CD8B: variants seen among roughly 807,000 people sequenced by gnomAD.
CD8B encodes T-cell surface glycoprotein CD8 beta chain.
Under a neutral mutation model 24.2 loss-of-function variants are expected in CD8B, and 6 were observed. The ratio of observed to expected loss-of-function variants is 0.25; its 90% CI spans 0.14 to 0.49. The LOEUF (loss-of-function observed/expected upper bound fraction) is 0.49. Ranked by LOEUF, CD8B falls within the 20% of genes least tolerant of loss-of-function variation. CD8B has a pLI of 0.98. For synonymous variants in CD8B, 84 were observed against 108.3 expected (o/e 0.78, Z 1.39); for missense variants, 196 against 271.3 (o/e 0.72, Z 1.95).
downstream of CD8B, among the ~76,000 whole-genome samples, chr2:86,834,467 T>TACAC (rs59177290): frequency 0.027 from 3,978 of 146,794 alleles, 69 homozygotes; most frequent in East Asian, 0.12. Flanking sequence ...TTTCTTCTCT[T>TACAC]ACACACACAC....
intron 2 of CD8B, among the ~76,000 whole-genome samples, chr2:86,854,906 A>C (rs1025970276): frequency 3.5e-4 from 54 of 152,306 alleles, no homozygotes; most frequent in African/African-American, 1.3e-3. Flanking sequence ...AGATCACCTG[A>C]GGTCAGGAGT....
At chr2:86,825,986 G>C (rs533569188) in intron 5 of CD8B, among the ~76,000 whole-genome samples, 4 of 152,082 alleles carry the variant, frequency 2.6e-5, no homozygotes, top group Admixed American at 2.6e-4. Flanking sequence ...TGGAGCTCTC[G>C]GGGGGAAAAC....
chr2:86,828,276 TG>T (rs1479022289), intron 5 of CD8B, among the ~76,000 whole-genome samples: 1 of 151,858 alleles, frequency 6.6e-6, no homozygotes, highest in African/African-American at 2.4e-5. Context: ...AGATCAAATG[TG>T]GGCAAAATTT....
chr2:86,818,356 C>T (rs1674338543), intron 5 of CD8B, among the ~76,000 whole-genome samples: 1 of 151,978 alleles, frequency 6.6e-6, no homozygotes, highest in Non-Finnish European at 1.5e-5. Flanking sequence ...TTTTATTGTG[C>T]TGCACGGATG....
intron 4 of CD8B, 57 bp from the exon 5 acceptor site, chr2:86,845,015 C>A (rs1032709587): frequency 2.6e-5 from 40 of 1,552,244 alleles, no homozygotes; most frequent in Non-Finnish European, 3.5e-5. Flanking sequence ...CTGCGCTGAG[C>A]CCCAGAGGCC....
chr2:86,830,569 A>G (rs1416511072), intron 5 of CD8B, among the ~76,000 whole-genome samples: 1 of 150,034 alleles, frequency 6.7e-6, no homozygotes. Flanking sequence ...TCTGTCTCCA[A>G]AAAAAAAAAA....
chr2:86,835,264 C>A (rs1371528276), downstream of CD8B, among the ~76,000 whole-genome samples: 1 of 152,158 alleles, frequency 6.6e-6, no homozygotes, highest in African/African-American at 2.4e-5. Flanking sequence ...GGGCTTTGAG[C>A]AGGGCCCACA....
At chr2:86,828,020 T>C (rs1674759785) in intron 5 of CD8B, among the ~76,000 whole-genome samples, 1 of 152,228 alleles carries the variant, frequency 6.6e-6, no homozygotes, top group Admixed American at 6.5e-5. Context: ...AGTAAAGTCC[T>C]ATCCTTATAG....
intron 5 of CD8B, among the ~76,000 whole-genome samples, chr2:86,826,004 A>G (rs577124479): frequency 6.6e-6 from 1 of 152,278 alleles, no homozygotes; most frequent in East Asian, 1.9e-4. Context: ...AACATCCATG[A>G]CAGCCTCCCT....
chr2:86,835,097 G>T (rs555431403), downstream of CD8B, among the ~76,000 whole-genome samples: 51 of 152,274 alleles, frequency 3.3e-4, no homozygotes, highest in African/African-American at 1.1e-3. Flanking sequence ...TTTCTGTGCT[G>T]GGTGGGGCTG....
chr2:86,824,988 T>C (rs1442170531), intron 5 of CD8B, among the ~76,000 whole-genome samples: 1 of 152,220 alleles, frequency 6.6e-6, no homozygotes, highest in Non-Finnish European at 1.5e-5. Context: ...ATAATGATGA[T>C]GGCACAGATT....
chr2:86,848,716 A>ATTTAATTTATTTATTTATTTATTTG, intron 3 of CD8B, among the ~76,000 whole-genome samples: 1 of 99,540 alleles, frequency 1.0e-5, no homozygotes, highest in African/African-American at 4.8e-5. Flanking sequence ...TTATTTATTT[A>ATTTAATTTATTTATTTATTTATTTG]TTTATTTATT....
At chr2:86,847,969 C>T (rs1223211332) in intron 3 of CD8B, among the ~76,000 whole-genome samples, 1 of 152,136 alleles carries the variant, frequency 6.6e-6, no homozygotes, top group Non-Finnish European at 1.5e-5. Context: ...TTCACTTAGT[C>T]AATGTGTTCT....
intron 1 of CD8B, among the ~76,000 whole-genome samples, chr2:86,860,139 G>A (rs1290390083): frequency 1.1e-4 from 17 of 152,260 alleles, no homozygotes; most frequent in Admixed American, 6.5e-4. Context: ...GCATGATGGC[G>A]CGTGCCTCTA....
intron 3 of CD8B, among the ~76,000 whole-genome samples, chr2:86,850,649 C>T (rs193146474): frequency 2.7e-4 from 41 of 152,150 alleles, no homozygotes; most frequent in Admixed American, 5.9e-4. Flanking sequence ...GGCCACTCTC[C>T]TCAGTGTAAC....
Position 86,861,879 on chromosome 2 carries a change from G to A in CD8B, c.-14C>T. 7.9e-7 allele frequency: 1 copy of A among 1,268,788 alleles called. No homozygotes were observed. 78.6% of individuals were successfully genotyped at this position (1,268,788 alleles called of 1,614,324 possible). On this transcript the variant is annotated 5_prime_UTR_variant, in exon 1 of 6. Coordinates refer to ENST00000390655, the MANE Select transcript of CD8B (RefSeq NM_004931.5). ...CCGCGGCCGCATCGTGGCGCGCCCG[G>A]GACACCTGGCCCCGGGGGCTCGGCG...
In CD8B at chr2:86,839,604, C is replaced by T. The variant is rs528345871; in HGVS notation, c.*2703G>A. ...AGCCTGCTCCAGCTCCCTGGGCAGC[C>T]GGAGCTGAGCCCGCCTCGGCAGGTG... On this transcript the variant is annotated 3_prime_UTR_variant, in exon 6 of 6. Transcript: ENST00000390655. Among the ~76,000 whole-genome samples, 121 of 152,312 alleles carry T rather than the reference C, an allele frequency of 7.9e-4. No homozygotes were observed. The highest frequency in any genetic ancestry group is 4.4e-3 in the East Asian group (23 of 5,188).
At chr2:86,861,754 C>T (rs1676608364) in intron 1 of CD8B, 69 bp downstream of exon 1, 8 of 1,155,082 alleles carry the variant, frequency 6.9e-6, no homozygotes, top group Non-Finnish European at 8.8e-6. Context: ...CCAGGACAGC[C>T]ACTTATCACC....
At chr2:86,821,311 G>C (rs893784102) in intron 5 of CD8B, among the ~76,000 whole-genome samples, 2 of 152,118 alleles carry the variant, frequency 1.3e-5, no homozygotes, top group African/African-American at 4.8e-5. Flanking sequence ...ATCAAATGTG[G>C]TGTGATTTCT....
Sources: gnomAD v4.1 joint callset for allele counts (sites outside exome capture counted in the v4.1 genomes callset) on GRCh38, gnomAD v4.1.1 for gene constraint, MANE v1.5 for transcripts, NCBI Gene and HGNC (gene_info 2026-07-23, HGNC 2026-07-21) for gene names.